Variants in FCHSD2 observed in about 807,000 individuals in gnomAD.
The protein encoded by FCHSD2 is F-BAR and double SH3 domains protein 2.
A neutral mutation model predicts 108.1 loss-of-function variants in FCHSD2; 38 were observed. The observed-to-expected ratio is 0.35, with a 90% confidence interval of 0.27 to 0.46. FCHSD2 has a LOEUF of 0.46. Ranked by LOEUF, FCHSD2 falls within the 20% of genes least tolerant of loss-of-function variation. The pLI is 1.00. For missense variants in FCHSD2, 751 were observed against 897.8 expected (o/e 0.84, Z 2.09); for synonymous variants, 279 against 314.7 (o/e 0.89, Z 1.20).
intron 2 of FCHSD2, among the ~76,000 whole-genome samples, chr11:73,087,466 G>T (rs1859847393): frequency 6.6e-6 from 1 of 152,058 alleles, no homozygotes; most frequent in Non-Finnish European, 1.5e-5. Flanking sequence ...AGCATTTTGG[G>T]AGGCCAAGGC....
At chr11:73,080,716 G>GGC (rs1475408272) in intron 3 of FCHSD2, among the ~76,000 whole-genome samples, 1 of 152,076 alleles carries the variant, frequency 6.6e-6, no homozygotes, top group African/African-American at 2.4e-5. Flanking sequence ...GGCTGAGGTG[G>GGC]GCGGATGATC....
At chr11:73,088,759 C>T (rs920073683) in intron 2 of FCHSD2, among the ~76,000 whole-genome samples, 5 of 152,208 alleles carry the variant, frequency 3.3e-5, no homozygotes, top group East Asian at 3.9e-4. Context: ...AAGAGACTAA[C>T]TAAAATGAAC....
Position 72,838,478 on chromosome 11 carries a change from T to C in FCHSD2, c.*313A>G, listed in dbSNP as rs1024827400. ...GTAATTTAGGGACTGTGCCCTGGAATGAGGCCTGTTCTTGAGTCTCATATA... is the reference window on the plus strand; with the variant it reads ...GTAATTTAGGGACTGTGCCCTGGAACGAGGCCTGTTCTTGAGTCTCATATA... On this transcript the variant is annotated 3_prime_UTR_variant, in exon 20 of 20. Transcript: ENST00000409418. 10 of 403,528 alleles carry C rather than the reference T, an allele frequency of 2.5e-5. No individual in the cohort carries two copies. Among genetic ancestry groups the C allele is most frequent in the African/African-American group, 2.0e-4 (10 of 49,772 alleles). The allele number at this position is 403,528 out of a possible 1,614,324, so 25.0% of individuals were successfully genotyped here.
chr11:72,940,583 A>G, intron 8 of FCHSD2: 2 of 1,343,846 alleles, frequency 1.5e-6, no homozygotes, highest in South Asian at 2.3e-5. Flanking sequence ...AGCTGCTGGC[A>G]GTACTGCCAG....
chr11:73,074,046 T>C (rs982974675), intron 3 of FCHSD2, among the ~76,000 whole-genome samples: 2 of 152,132 alleles, frequency 1.3e-5, no homozygotes, highest in Non-Finnish European at 2.9e-5. Flanking sequence ...ATATCAAGAT[T>C]TATTGTTATA....
chr11:72,963,924 T>C (rs1856859510), intron 8 of FCHSD2, among the ~76,000 whole-genome samples: 1 of 152,182 alleles, frequency 6.6e-6, no homozygotes, highest in Non-Finnish European at 1.5e-5. Flanking sequence ...GTGTCATGAA[T>C]AGATTTCACA....
intron 11 of FCHSD2, among the ~76,000 whole-genome samples, chr11:72,889,527 T>C (rs1855270576): frequency 6.6e-6 from 1 of 152,044 alleles, no homozygotes; most frequent in Non-Finnish European, 1.5e-5. Context: ...CTGGGAAACA[T>C]GGCAAGACCC....
At chr11:73,016,737 T>A (rs1177106632) in intron 3 of FCHSD2, among the ~76,000 whole-genome samples, 1 of 152,236 alleles carries the variant, frequency 6.6e-6, no homozygotes. Context: ...AAGGGTCTTT[T>A]CTTTTTAAAT....
At position 72,838,850 on chromosome 11, in the gene FCHSD2, T is replaced by C. The variant is rs1262001030; in HGVS notation, c.2164A>G (p.Thr722Ala). ...RPVRAAPPPP[T>A]QNHRRPAEKI... ...TCTGCTGGCCTTCGGTGATTCTGTG[T>C]AGGTGGAGGGGGAGCTGCCCGGACC... The change falls in exon 20 of 20, where the codon ACA becomes GCA. Residue 722 changes from threonine (T) to alanine (A), a missense_variant. Transcript: ENST00000409418. 3.1e-6 allele frequency: 5 copies of C among 1,608,242 alleles called. No homozygotes were observed. In the African/African-American group the frequency reaches 5.3e-5, roughly 17 times the overall value.
At chr11:72,954,787 T>C (rs745614790) in intron 8 of FCHSD2, among the ~76,000 whole-genome samples, 1 of 152,026 alleles carries the variant, frequency 6.6e-6, no homozygotes, top group Admixed American at 6.6e-5. Context: ...GATATTTACA[T>C]ACAAACATAG....
intron 9 of FCHSD2, among the ~76,000 whole-genome samples, chr11:72,907,378 C>T (rs1855651239): frequency 6.6e-6 from 1 of 152,082 alleles, no homozygotes; most frequent in Non-Finnish European, 1.5e-5. Context: ...ATGTTGAATA[C>T]AAATGGTGAG....
At chr11:73,079,270 C>T (rs1394028377) in intron 3 of FCHSD2, among the ~76,000 whole-genome samples, 6 of 151,090 alleles carry the variant, frequency 4.0e-5, no homozygotes, top group Non-Finnish European at 8.8e-5. Context: ...GATCTTGGCT[C>T]CCTGAAACCT....
At chr11:73,052,723 C>G (rs1483782620) in intron 3 of FCHSD2, among the ~76,000 whole-genome samples, 1 of 152,130 alleles carries the variant, frequency 6.6e-6, no homozygotes, top group African/African-American at 2.4e-5. Context: ...TTTTAATAAT[C>G]TTCATACTTG....
chr11:72,931,861 T>A (rs1856200287), intron 8 of FCHSD2, among the ~76,000 whole-genome samples: 2 of 152,198 alleles, frequency 1.3e-5, no homozygotes, highest in Non-Finnish European at 2.9e-5. Flanking sequence ...GGGCTATGCG[T>A]ATATTCTTCA....
At chr11:72,933,374 T>G (rs980494436) in intron 8 of FCHSD2, among the ~76,000 whole-genome samples, 2 of 152,146 alleles carry the variant, frequency 1.3e-5, no homozygotes, top group Non-Finnish European at 2.9e-5. Flanking sequence ...GATGAGAAAT[T>G]TGGCAAAGTG....
intron 8 of FCHSD2, among the ~76,000 whole-genome samples, chr11:72,966,635 A>G (rs1856912371): frequency 6.6e-6 from 1 of 152,184 alleles, no homozygotes; most frequent in Non-Finnish European, 1.5e-5. Context: ...TACATTCAAC[A>G]GATATATATG....
rs72981525 is a variant in FCHSD2, at chr11:72,965,138, G to A, written c.705+18950C>T. ...GGTCTTTGATAGATCCCCATTGCCTGTAGAACAATTCTTAACAGTGGATAC... is the reference window on the plus strand; with the variant it reads ...GGTCTTTGATAGATCCCCATTGCCTATAGAACAATTCTTAACAGTGGATAC... On this transcript the variant is annotated intron_variant, in intron 8 of 19. Coordinates refer to ENST00000409418, the MANE Select transcript of FCHSD2 (RefSeq NM_014824.3). Among the ~76,000 whole-genome samples, 1,079 of 152,162 alleles carry A rather than the reference G, an allele frequency of 7.1e-3. 9 individuals carry two copies. The highest frequency in any genetic ancestry group is 0.025 in the African/African-American group (1,025 of 41,506).
At chr11:73,093,561 T>C (rs577248812) in intron 2 of FCHSD2, among the ~76,000 whole-genome samples, 1 of 152,220 alleles carries the variant, frequency 6.6e-6, no homozygotes, top group East Asian at 1.9e-4. Flanking sequence ...TCCCTAAGAA[T>C]GTTCAAATTA....
At chr11:72,916,511 T>C (rs1855877616) in intron 9 of FCHSD2, among the ~76,000 whole-genome samples, 1 of 152,098 alleles carries the variant, frequency 6.6e-6, no homozygotes, top group Non-Finnish European at 1.5e-5. Flanking sequence ...GATAGGGTCT[T>C]GCTATGTTGC....
Sources: gnomAD v4.1 joint callset for allele counts (sites outside exome capture counted in the v4.1 genomes callset) on GRCh38, gnomAD v4.1.1 for gene constraint, MANE v1.5 for transcripts, NCBI Gene and HGNC (gene_info 2026-07-23, HGNC 2026-07-21) for gene names.